Variants in GSAP observed in about 807,000 individuals in gnomAD.
GSAP encodes the protein gamma-secretase activating protein, also known as gamma-secretase-activating protein.
Under a neutral mutation model 131.7 loss-of-function variants are expected in GSAP, and 118 were observed. The ratio of observed to expected loss-of-function variants is 0.90; its 90% confidence interval spans 0.77 to 1.04. GSAP has a LOEUF of 1.04. GSAP is among the 50% of genes least tolerant of loss of function. The probability of loss-of-function intolerance (pLI) is 0.00; values close to 1 mark genes in which losing one functional copy is unlikely to be tolerated. For synonymous variants in GSAP, 381 were observed against 363.4 expected, an observed-to-expected ratio of 1.05 and a Z score of -0.55; for missense variants, 1,019 against 1,013.2, an observed-to-expected ratio of 1.01 and a Z score of -0.08.
At chr7:77,396,259 AAAAC>A (rs1351350307) in intron 5 of GSAP, among the ~76,000 whole-genome samples, 8 of 152,182 alleles carry the variant, frequency 5.3e-5, no homozygotes, top group Admixed American at 5.2e-4. Flanking sequence ...AAATGGAAAA[AAAAC>A]AAAGACATTC....
intron 19 of GSAP, among the ~76,000 whole-genome samples, chr7:77,331,257 T>C (rs188178227): frequency 9.3e-4 from 142 of 152,280 alleles, no homozygotes; most frequent in African/African-American, 3.2e-3. Context: ...GCTGAGATCA[T>C]GCCACTGCAC....
At chr7:77,369,297 G>C (rs1427317210) in intron 12 of GSAP, among the ~76,000 whole-genome samples, 1 of 152,156 alleles carries the variant, frequency 6.6e-6, no homozygotes, top group Non-Finnish European at 1.5e-5. Flanking sequence ...TAGAAAGTCT[G>C]ATTTATCCTT....
At chr7:77,346,270 C>CAAAAAAAAAAAAA (rs1223497863) in intron 19 of GSAP, among the ~76,000 whole-genome samples, 8 of 40,858 alleles carry the variant, frequency 2.0e-4, no homozygotes, top group African/African-American at 5.9e-4. Context: ...GACTCCATCT[C>CAAAAAAAAAAAAA]AAAAAAAAAA....
Position 77,374,121 on chromosome 7 carries a change from G to C in GSAP, c.820C>G (p.Arg274Gly). ...VNFGCDYHQY[R>G]DKFSKHLTLC... ...GTCAGGTGTTTGGAAAATTTATCTC[G>C]GTATTGATGATAATCACATCCAAAG... The change falls in exon 12 of 31, where the codon CGA becomes GGA. Residue 274 changes from arginine (R) to glycine (G), a missense_variant. Transcript: ENST00000257626. 1 of 1,589,990 alleles carries C rather than the reference G, an allele frequency of 6.3e-7. No homozygotes were observed. The highest frequency in any genetic ancestry group is 8.6e-7 in the Non-Finnish European group (1 of 1,161,770).
intron 1 of GSAP, among the ~76,000 whole-genome samples, chr7:77,408,689 CAAAAAA>C (rs749202124): frequency 2.2e-4 from 15 of 67,024 alleles, no homozygotes; most frequent in Admixed American, 1.4e-3. Context: ...ACTCTGCCTC[CAAAAAA>C]AAAAAAAAAA....
At chr7:77,392,365 T>C (rs1291003221) in intron 5 of GSAP, among the ~76,000 whole-genome samples, 3 of 151,800 alleles carry the variant, frequency 2.0e-5, no homozygotes, top group Non-Finnish European at 2.9e-5. Context: ...CTGGGCAACA[T>C]GACTAATCCC....
Position 77,377,400 on chromosome 7 carries a change from C to CAA in GSAP, c.577-12_577-11dup, listed in dbSNP as rs56314229. ...CAGAATTTTTAATCACCTAAAAATG[C>CAA]AAAAAAAAAAAAAAAAAAAAAAGTA... On this transcript the variant is annotated splice_polypyrimidine_tract_variant and intron_variant, in intron 8 of 30. Transcript: ENST00000257626. 6,026 of 1,180,508 alleles carry CAA rather than the reference C, an allele frequency of 5.1e-3. 29 individuals are homozygous for CAA. Among genetic ancestry groups the CAA allele is most frequent in the East Asian group, 0.024 (637 of 26,904 alleles). 73.1% of individuals were successfully genotyped at this position (1,180,508 alleles called of 1,614,324 possible). A position where few individuals can be genotyped will look rare whatever the true frequency, so the allele number is the denominator to read the frequency against.
chr7:77,405,098 A>G (rs1196001271), intron 2 of GSAP, among the ~76,000 whole-genome samples: 1 of 133,482 alleles, frequency 7.5e-6, no homozygotes, highest in African/African-American at 2.5e-5. Context: ...TGCTTATTAT[A>G]GTAAAGTTAA....
Position 77,312,050 on chromosome 7 carries a change from C to CAA in GSAP, c.2373+49_2373+50dup, listed in dbSNP as rs774030662. 75 of 1,282,622 alleles carry CAA rather than the reference C, an allele frequency of 5.8e-5. 1 individual carries two copies. The South Asian group carries it at 9.0e-4, about 15-fold the overall frequency. 79.5% of individuals were successfully genotyped at this position (1,282,622 alleles called of 1,614,324 possible). On this transcript the variant is annotated intron_variant, in intron 29 of 30. Transcript: ENST00000257626. ...GTCCATACAGATATGTTGTCACGGG[C>CAA]AAACAGGATCCTAAAAACATTTAGT...
intron 18 of GSAP, among the ~76,000 whole-genome samples, chr7:77,352,498 A>G (rs1461219965): frequency 6.6e-6 from 1 of 152,222 alleles, no homozygotes; most frequent in African/African-American, 2.4e-5. Context: ...AAGATTGCTG[A>G]CTTTTACTGA....
At chr7:77,397,073 C>A in intron 4 of GSAP, 38 bp from the exon 5 acceptor site, 2 of 1,348,244 alleles carry the variant, frequency 1.5e-6, no homozygotes, top group Non-Finnish European at 2.1e-6. Context: ...AGCAATTGAT[C>A]CATATGGTAG....
rs1787624039 is a variant in GSAP at position 77,321,373 on chromosome 7, TG to T, written c.1953del (p.Asn652IlefsTer29). On this transcript the variant is annotated frameshift_variant, in exon 25 of 31. Coordinates refer to ENST00000257626, the MANE Select transcript of GSAP (RefSeq NM_017439.4). LOFTEE classifies it high-confidence loss of function. ...GAATGAAGATTATGTTTCCTCCAAT[TG>T]GTTTCTACGATGTGGCAAATGAGAT... ...LLDLICHIVETNWRKHNLHSW... is the reference protein window; with the variant it reads ...LLDLICHIVEXNWRKHNLHSW... 6.2e-7 allele frequency: 1 copy of T among 1,607,492 alleles called. No individual in the cohort carries two copies. The highest frequency in any genetic ancestry group is 8.5e-7 in the Non-Finnish European group (1 of 1,174,010).
chr7:77,351,399 G>A (rs984201039), intron 18 of GSAP: 26 of 978,334 alleles, frequency 2.7e-5, no homozygotes, highest in Non-Finnish European at 3.0e-5. Context: ...CCATGTTTTC[G>A]CCTGTGGAAA....
At chr7:77,316,285 T>C (rs1584207921) in intron 26 of GSAP, 1 of 152,248 alleles carries the variant, frequency 6.6e-6, no homozygotes, top group Admixed American at 6.5e-5. Context: ...AGAAGAATCA[T>C]AGCCTACTCT....
intron 5 of GSAP, among the ~76,000 whole-genome samples, chr7:77,393,641 G>C (rs1239088952): frequency 6.6e-6 from 1 of 150,494 alleles, no homozygotes; most frequent in Non-Finnish European, 1.5e-5. Flanking sequence ...AAATCCGGCG[G>C]CATGCATGCA....
chr7:77,333,035 C>T (rs1183916140), intron 19 of GSAP, among the ~76,000 whole-genome samples: 3 of 152,122 alleles, frequency 2.0e-5, no homozygotes, highest in Admixed American at 6.6e-5. Flanking sequence ...GGCGTGGTCG[C>T]ATGCACCTGT....
intron 6 of GSAP, among the ~76,000 whole-genome samples, chr7:77,386,590 C>G (rs1345353116): frequency 6.6e-6 from 1 of 152,204 alleles, no homozygotes. Flanking sequence ...TTATCTGAAA[C>G]ACATGTTTTC....
At chr7:77,324,513 A>G (rs995328764) in intron 23 of GSAP, among the ~76,000 whole-genome samples, 7 of 152,318 alleles carry the variant, frequency 4.6e-5, no homozygotes, top group Non-Finnish European at 1.0e-4. Context: ...CCATGCACAC[A>G]TCTTCTATTT....
chr7:77,330,082 C>G (rs189273842), intron 20 of GSAP, 157 bp downstream of exon 20: 1 of 801,970 alleles, frequency 1.2e-6, no homozygotes, highest in East Asian at 3.0e-5. Flanking sequence ...ATCATAGAAG[C>G]ATCTCTGCCC....
Sources: gnomAD v4.1 joint callset for allele counts (sites outside exome capture counted in the v4.1 genomes callset) on GRCh38, gnomAD v4.1.1 for gene constraint, MANE v1.5 for transcripts, NCBI Gene and HGNC (gene_info 2026-07-23, HGNC 2026-07-21) for gene names.